The following NCAM2 variants were observed in gnomAD, a reference collection of about 807,000 sequenced individuals.
The protein encoded by NCAM2 is neural cell adhesion molecule 2, also known as N-CAM-2.
In NCAM2, 30 loss-of-function variants were observed where a neutral mutation model predicts 98.1. That is an observed-to-expected ratio of 0.31 (90% CI 0.23 to 0.41). The LOEUF (loss-of-function observed/expected upper bound fraction) is 0.41. Among genes scored for constraint, NCAM2 ranks in the 10% least tolerant of loss-of-function variants. The pLI is 1.00. For missense variants in NCAM2, 867 were observed against 1,005.8 expected (o/e 0.86, Z 1.87); for synonymous variants, 368 against 342.4 (o/e 1.07, Z -0.83).
At chr21:21,275,425 G>A (rs1429914383) in intron 1 of NCAM2, among the ~76,000 whole-genome samples, 2 of 151,542 alleles carry the variant, frequency 1.3e-5, no homozygotes, top group African/African-American at 2.4e-5. Flanking sequence ...GGGCGACAGA[G>A]CGAGACTCTG....
At chr21:21,157,051 A>T (rs928183468) in intron 1 of NCAM2, among the ~76,000 whole-genome samples, 4 of 151,008 alleles carry the variant, frequency 2.6e-5, no homozygotes, top group African/African-American at 7.3e-5. Flanking sequence ...ATTCCTACAG[A>T]TTTTTTTTTC....
chr21:21,439,300 G>A (rs1315267538), intron 12 of NCAM2, among the ~76,000 whole-genome samples: 1 of 151,998 alleles, frequency 6.6e-6, no homozygotes. Context: ...TGTATTTTTA[G>A]TAGAGATGGG....
intron 1 of NCAM2, among the ~76,000 whole-genome samples, chr21:21,134,064 CTTTTT>C (rs36062789): frequency 7.3e-6 from 1 of 137,504 alleles, no homozygotes. Flanking sequence ...CACTTCCTCT[CTTTTT>C]TTTTTTTTTT....
Position 21,315,126 on chromosome 21 carries a change from ATC to A in NCAM2, c.620-9255_620-9254del, listed in dbSNP as rs543495365. Among the ~76,000 whole-genome samples the A allele has an allele frequency of 7.2e-3, 1,095 of 152,198 alleles. 13 individuals carry two copies. The highest frequency in any genetic ancestry group is 0.013 in the South Asian group (65 of 4,826). On this transcript the variant is annotated intron_variant, in intron 5 of 17. Transcript: ENST00000400546. ...TTAGATCAGACAACAAATTCTGACC[ATC>A]TTTCTTGGTTTTATATTCAGACGCC...
At chr21:21,040,179 T>C (rs935889951) in intron 1 of NCAM2, among the ~76,000 whole-genome samples, 1 of 152,178 alleles carries the variant, frequency 6.6e-6, no homozygotes, top group Admixed American at 6.5e-5. Flanking sequence ...GGGAAAAAAC[T>C]GTAGAGGATA....
chr21:21,144,538 A>G (rs2067232842), intron 1 of NCAM2, among the ~76,000 whole-genome samples: 1 of 152,152 alleles, frequency 6.6e-6, no homozygotes, highest in Non-Finnish European at 1.5e-5. Flanking sequence ...GATCAGAAGA[A>G]TCAACATATG....
chr21:21,430,829 C>T (rs981464185), intron 11 of NCAM2, among the ~76,000 whole-genome samples: 13 of 151,822 alleles, frequency 8.6e-5, no homozygotes, highest in African/African-American at 2.4e-4. Flanking sequence ...GGGCAGATCA[C>T]GAGGTTAAAA....
chr21:21,426,232 G>A (rs1323127471), intron 11 of NCAM2, among the ~76,000 whole-genome samples: 2 of 152,042 alleles, frequency 1.3e-5, no homozygotes, highest in African/African-American at 4.8e-5. Flanking sequence ...CAAGAAAAAT[G>A]TATATAAAAC....
intron 9 of NCAM2, among the ~76,000 whole-genome samples, chr21:21,409,228 GT>G (rs1200314893): frequency 6.6e-6 from 1 of 152,088 alleles, no homozygotes; most frequent in African/African-American, 2.4e-5. Context: ...TAGTCCTGGG[GT>G]GGAGGAAGAG....
intron 1 of NCAM2, among the ~76,000 whole-genome samples, chr21:21,131,136 A>T (rs932223666): frequency 6.6e-6 from 1 of 152,228 alleles, no homozygotes; most frequent in African/African-American, 2.4e-5. Flanking sequence ...AACACTTATG[A>T]AAATCACAGC....
intron 15 of NCAM2, among the ~76,000 whole-genome samples, chr21:21,495,286 A>T (rs1163968749): frequency 6.6e-6 from 1 of 152,020 alleles, no homozygotes; most frequent in East Asian, 1.9e-4. Flanking sequence ...TAATTCAACA[A>T]CTAATCATAT....
At chr21:21,488,283 T>TG (rs1334805799) in intron 15 of NCAM2, among the ~76,000 whole-genome samples, 2 of 9,356 alleles carry the variant, frequency 2.1e-4, no homozygotes, top group South Asian at 1.9e-3. Context: ...ACCATTATAA[T>TG]TAATTATAAT....
chr21:21,298,586 TACAG>T (rs5842912), intron 5 of NCAM2, among the ~76,000 whole-genome samples: 2 of 112,080 alleles, frequency 1.8e-5, no homozygotes, highest in African/African-American at 5.8e-5. Context: ...AAATGATAGA[TACAG>T]ATAGATAGAT....
chr21:21,511,396 T>C (rs1382860972), intron 16 of NCAM2, among the ~76,000 whole-genome samples: 1 of 152,010 alleles, frequency 6.6e-6, no homozygotes, highest in Non-Finnish European at 1.5e-5. Context: ...TTTTTCTTTC[T>C]GCACTGACTT....
intron 5 of NCAM2, among the ~76,000 whole-genome samples, chr21:21,299,360 G>T (rs9980054): frequency 0.74 from 111,393 of 150,768 alleles, 41,264 homozygotes; most frequent in South Asian, 0.82. Flanking sequence ...GGTATTCGGA[G>T]AATGTCTGTT....
chr21:21,096,070 A>G (rs2066116722), intron 1 of NCAM2, among the ~76,000 whole-genome samples: 1 of 151,652 alleles, frequency 6.6e-6, no homozygotes, highest in African/African-American at 2.4e-5. Flanking sequence ...GAGAGCCTTC[A>G]TTTATTTTGT....
intron 9 of NCAM2, among the ~76,000 whole-genome samples, chr21:21,396,703 C>T (rs751845003): frequency 6.6e-6 from 1 of 152,146 alleles, no homozygotes; most frequent in African/African-American, 2.4e-5. Context: ...AAGGCTGAAC[C>T]AGGTGTATCT....
chr21:21,494,430 T>C (rs1987071696), intron 15 of NCAM2, among the ~76,000 whole-genome samples: 1 of 151,278 alleles, frequency 6.6e-6, no homozygotes, highest in South Asian at 2.1e-4. Flanking sequence ...AATAAAATTA[T>C]TCAGTTCTTT....
intron 5 of NCAM2, among the ~76,000 whole-genome samples, chr21:21,305,716 A>G (rs551182704): frequency 9.9e-5 from 15 of 152,032 alleles, no homozygotes; most frequent in African/African-American, 3.6e-4. Flanking sequence ...TCTTGATTTT[A>G]TATTTGTTTT....
Sources: gnomAD v4.1 joint callset for allele counts (sites outside exome capture counted in the v4.1 genomes callset) on GRCh38, gnomAD v4.1.1 for gene constraint, MANE v1.5 for transcripts, NCBI Gene and HGNC (gene_info 2026-07-23, HGNC 2026-07-21) for gene names.